Variants in KDM5B observed in about 807,000 individuals in gnomAD.
KDM5B encodes the protein lysine-specific demethylase 5B.
A neutral mutation model predicts 193.4 loss-of-function variants in KDM5B; 144 were observed. The ratio of observed to expected loss-of-function variants is 0.74; its 90% confidence interval spans 0.65 to 0.86. The LOEUF (loss-of-function observed/expected upper bound fraction) is 0.86, where lower values mean the gene tolerates loss of function less well. Ranked by LOEUF, KDM5B falls within the 40% of genes least tolerant of loss-of-function variation. The pLI is 0.00. For synonymous variants in KDM5B, 668 were observed against 682.6 expected, an observed-to-expected ratio of 0.98 and a Z score of 0.33; for missense variants, 1,833 against 1,886.9, an observed-to-expected ratio of 0.97 and a Z score of 0.53.
chr1:202,766,962 G>C lies in KDM5B; in HGVS notation c.675C>G (p.Cys225Trp). The change falls in exon 5 of 27, where the codon TGC (cysteine) becomes TGG (tryptophan). Residue 225 changes from cysteine to tryptophan, a missense_variant. By Grantham distance (215) the Cys-to-Trp change is radical. Coordinates refer to ENST00000367265, the MANE Select transcript of KDM5B (RefSeq NM_006618.5). The part of the protein sequence containing the change: ...QRQSVQPSET[C>W]PPARRAKRMR... Reference sequence around the variant, plus strand: ...TGCGTTTTGCTCGTCGGGCTGGGGGGCACGTTTCCGAAGGCTGCACAGACT... The same window carrying C: ...TGCGTTTTGCTCGTCGGGCTGGGGGCCACGTTTCCGAAGGCTGCACAGACT... 6.3e-7 allele frequency: 1 copy of C among 1,583,970 alleles called. No homozygotes were observed. Among genetic ancestry groups the C allele is most frequent in the Non-Finnish European group, 8.5e-7 (1 of 1,172,864 alleles).
At chr1:202,739,102 T>A (rs2102227078) in intron 20 of KDM5B, among the ~76,000 whole-genome samples, 1 of 152,354 alleles carries the variant, frequency 6.6e-6, no homozygotes, top group South Asian at 2.1e-4. Context: ...GAATTTGCTA[T>A]TACTGATTGT....
intron 1 of KDM5B, among the ~76,000 whole-genome samples, 156 bp from the exon 2 acceptor site, chr1:202,777,250 G>C (rs1427330379): frequency 6.6e-6 from 1 of 150,570 alleles, no homozygotes; most frequent in Non-Finnish European, 1.5e-5. Context: ...TTGTCCATGA[G>C]AGCAGCAAAA....
intron 1 of KDM5B, among the ~76,000 whole-genome samples, chr1:202,783,802 AC>A: frequency 6.6e-6 from 1 of 152,036 alleles, no homozygotes; most frequent in African/African-American, 2.4e-5. Flanking sequence ...AATGGTGTGA[AC>A]CCGGGAGGCG....
chr1:202,729,458 C>T (rs546990431), intron 26 of KDM5B: 75 of 586,122 alleles, frequency 1.3e-4, no homozygotes, highest in African/African-American at 1.2e-3. Context: ...ACCTTCTTAG[C>T]GCCGGGAAGG....
intron 4 of KDM5B, 99 bp downstream of exon 4, chr1:202,773,019 G>A: frequency 1.1e-6 from 1 of 897,392 alleles, no homozygotes; most frequent in Non-Finnish European, 1.7e-6. Flanking sequence ...TCTAAAACAA[G>A]GTCTTCCAAA....
At position 202,729,014 on chromosome 1, in the gene KDM5B, G is replaced by A. The variant is rs759430490; in HGVS notation, c.*22C>T. The A allele has an allele frequency of 4.2e-5, 68 of 1,613,664 alleles. No individual in the cohort carries two copies. The highest frequency in any genetic ancestry group is 4.2e-6 in the Non-Finnish European group (5 of 1,179,796). ...TGGAGTCCTGAATTACATTAAGTAGGGGGGTATCTGTTTTTGTGTTTTTAC... is the reference window on the plus strand; with the variant it reads ...TGGAGTCCTGAATTACATTAAGTAGAGGGGTATCTGTTTTTGTGTTTTTAC... On this transcript the variant is annotated 3_prime_UTR_variant, in exon 27 of 27. Coordinates refer to ENST00000367265, the MANE Select transcript of KDM5B (RefSeq NM_006618.5).
At position 202,728,837 on chromosome 1, in the gene KDM5B, C is replaced by T. The variant is rs1254036594; in HGVS notation, c.*199G>A. The T allele has an allele frequency of 3.5e-6, 2 of 577,102 alleles. No individual in the cohort carries two copies. The highest frequency in any genetic ancestry group is 5.8e-6 in the Non-Finnish European group (2 of 345,302). The allele number at this position is 577,102 out of a possible 1,614,324, so 35.7% of individuals were successfully genotyped here. On this transcript the variant is annotated 3_prime_UTR_variant, in exon 27 of 27. Transcript: ENST00000367265. ...ACAAATAGCTCTTAAGGAAAAAATACAAAAAGTGTCAAAAATTTTTTTAGT... is the reference window on the plus strand; with the variant it reads ...ACAAATAGCTCTTAAGGAAAAAATATAAAAAGTGTCAAAAATTTTTTTAGT...
chr1:202,757,165 G>T (rs1319715224), intron 9 of KDM5B, among the ~76,000 whole-genome samples: 4 of 152,112 alleles, frequency 2.6e-5, no homozygotes, highest in Non-Finnish European at 4.4e-5. Flanking sequence ...TCACAATAGG[G>T]TTTGCCCTCC....
chr1:202,790,351 T>G (rs1336678259), intron 1 of KDM5B, among the ~76,000 whole-genome samples: 1 of 152,128 alleles, frequency 6.6e-6, no homozygotes, highest in Non-Finnish European at 1.5e-5. Context: ...GCCAACCAAG[T>G]GGATTGCTTG....
At chr1:202,805,378 T>C (rs4950919) in intron 1 of KDM5B, among the ~76,000 whole-genome samples, 106,209 of 151,770 alleles carry the variant, frequency 0.7, 39,239 homozygotes, top group Non-Finnish European at 0.83. Flanking sequence ...ATAATGTAAG[T>C]ACTCTAAGTT....
intron 2 of KDM5B, among the ~76,000 whole-genome samples, chr1:202,775,643 G>T (rs934865257): frequency 7.3e-5 from 11 of 151,054 alleles, no homozygotes; most frequent in African/African-American, 2.4e-4. Flanking sequence ...ATCACTTGAG[G>T]CCAGGAGTTT....
chr1:202,769,637 C>A (rs1280018276), intron 4 of KDM5B, among the ~76,000 whole-genome samples: 4 of 139,564 alleles, frequency 2.9e-5, no homozygotes, highest in Non-Finnish European at 6.0e-5. Flanking sequence ...CCACTGCACT[C>A]CAGCCTGGGT....
chr1:202,733,680 T>G lies in KDM5B; in HGVS notation c.3630A>C (p.Ser1210=), dbSNP rs1654980208. Residue 1210 remains serine, a synonymous_variant, in exon 23 of 27, where the codon TCA becomes TCC. Transcript: ENST00000367265. ...HTSCVAVPSI[S]QGLRIWLCPH... ...GACAAAGCCAGATTCGCAGGCCCTG[T>G]GAAATACTGGGTACCGCCACACAAC... is the stretch of plus-strand genomic sequence containing the variant. 1 of 1,613,990 alleles carries G rather than the reference T, an allele frequency of 6.2e-7. No individual in the cohort carries two copies. The highest frequency in any genetic ancestry group is 1.3e-5 in the African/African-American group (1 of 74,898).
intron 1 of KDM5B, among the ~76,000 whole-genome samples, chr1:202,805,208 G>C (rs1198737216): frequency 6.6e-6 from 1 of 152,158 alleles, no homozygotes; most frequent in Non-Finnish European, 1.5e-5. Context: ...CAGAAAACAA[G>C]CCTGGTTATC....
intron 1 of KDM5B, among the ~76,000 whole-genome samples, chr1:202,790,212 G>A (rs1245345145): frequency 6.6e-6 from 1 of 151,520 alleles, no homozygotes; most frequent in Non-Finnish European, 1.5e-5. Context: ...GCGGTAAGCC[G>A]AGATCACGCC....
chr1:202,739,950 C>T (rs1249193980), intron 20 of KDM5B, among the ~76,000 whole-genome samples: 4 of 152,246 alleles, frequency 2.6e-5, no homozygotes, highest in Admixed American at 1.3e-4. Context: ...TCCACAAAAC[C>T]GCCATTGTCA....
At chr1:202,749,163 AAAAT>A in intron 13 of KDM5B, 24 bp from the exon 14 acceptor site, 3 of 1,589,352 alleles carry the variant, frequency 1.9e-6, no homozygotes, top group Non-Finnish European at 2.6e-6. Context: ...CGGAAAGAAA[AAAAT>A]AACATTCATC....
At chr1:202,806,722 G>A (rs531747648) in intron 1 of KDM5B, 1 of 151,682 alleles carries the variant, frequency 6.6e-6, no homozygotes, top group African/African-American at 2.4e-5. Flanking sequence ...AAAACATAAC[G>A]ATTACAAACA....
chr1:202,740,593 C>A lies in KDM5B; in HGVS notation c.3084+81G>T, dbSNP rs533672967. On this transcript the variant is annotated intron_variant, in intron 20 of 26. Transcript: ENST00000367265. ...CTGGCCGGGTCGGGGGCTGACCCCC[C>A]CACCTCCCTCCCGGACGGGGCGCCA... 13 of 1,357,838 alleles carry A rather than the reference C, an allele frequency of 9.6e-6. No homozygotes were observed. In the South Asian group the frequency reaches 1.7e-4, roughly 17 times the overall value. The allele number at this position is 1,357,838 out of a possible 1,614,324, so 84.1% of individuals were successfully genotyped here. A position where few individuals can be genotyped will look rare whatever the true frequency, so the allele number is the denominator to read the frequency against.
Sources: gnomAD v4.1 joint callset for allele counts (sites outside exome capture counted in the v4.1 genomes callset) on GRCh38, gnomAD v4.1.1 for gene constraint, MANE v1.5 for transcripts, NCBI Gene and HGNC (gene_info 2026-07-23, HGNC 2026-07-21) for gene names.